The following ANKH variants were observed in gnomAD, a reference collection of about 807,000 sequenced individuals.
ANKH encodes mineralization regulator ANKH.
Under a neutral mutation model 49.0 loss-of-function variants are expected in ANKH, and 15 were observed. The ratio of observed to expected loss-of-function variants is 0.31; its 90% CI spans 0.20 to 0.47. ANKH has a LOEUF of 0.47. ANKH is among the 20% of genes least tolerant of loss of function. The pLI, the probability that ANKH is intolerant of heterozygous loss-of-function variation, is 1.00. For synonymous variants in ANKH, 273 were observed against 260.0 expected, an observed-to-expected ratio of 1.05 and a Z score of -0.48; for missense variants, 429 against 652.0, an observed-to-expected ratio of 0.66 and a Z score of 3.72.
At chr5:14,769,557 A>G (rs893744241) in intron 1 of ANKH, among the ~76,000 whole-genome samples, 4 of 152,150 alleles carry the variant, frequency 2.6e-5, no homozygotes, top group Admixed American at 2.6e-4. Context: ...ATGGCAAGAG[A>G]CATTCTGAAA....
intron 8 of ANKH, among the ~76,000 whole-genome samples, chr5:14,721,771 A>G (rs1737671364): frequency 6.6e-6 from 1 of 151,982 alleles, no homozygotes. Flanking sequence ...TCTACTAAAA[A>G]TACAAAAAAT....
intron 1 of ANKH, among the ~76,000 whole-genome samples, chr5:14,807,710 A>G (rs1178303852): frequency 6.6e-6 from 1 of 152,150 alleles, no homozygotes; most frequent in Non-Finnish European, 1.5e-5. Context: ...GAGATGTGTA[A>G]ATATCACAGG....
intron 1 of ANKH, among the ~76,000 whole-genome samples, chr5:14,830,414 C>T (rs1353174228): frequency 6.6e-6 from 1 of 151,982 alleles, no homozygotes; most frequent in Non-Finnish European, 1.5e-5. Context: ...GGGAAGAGTC[C>T]AAACCAAACA....
chr5:14,757,428 ATATTTT>A (rs776267618), intron 3 of ANKH, among the ~76,000 whole-genome samples: 100 of 128,092 alleles, frequency 7.8e-4, no homozygotes, highest in Non-Finnish European at 1.3e-3. Context: ...ATATATATAT[ATATTTT>A]TTTTTTTTTT....
At chr5:14,760,106 G>A (rs955201549) in intron 2 of ANKH, among the ~76,000 whole-genome samples, 6 of 152,170 alleles carry the variant, frequency 3.9e-5, no homozygotes, top group African/African-American at 1.2e-4. Context: ...GCAGGGTAGA[G>A]GTGAACAACC....
At chr5:14,828,158 G>A (rs1037540162) in intron 1 of ANKH, among the ~76,000 whole-genome samples, 4 of 152,134 alleles carry the variant, frequency 2.6e-5, no homozygotes, top group African/African-American at 9.7e-5. Flanking sequence ...TGTGTGACAG[G>A]TCAGCTTGGA....
rs539712412 is a variant in ANKH, at chr5:14,823,357, TAAC to T, written c.96+47992_96+47994del. ...TCTCTATCTCTCAGAATATCAGGAA[TAAC>T]AACAACAATTTTAAAATAAAAAGAA... On this transcript the variant is annotated intron_variant, in intron 1 of 11. Transcript: ENST00000284268. 1.8e-3 allele frequency among the ~76,000 whole-genome samples: 277 copies of T among 152,282 alleles called. 3 individuals carry two copies. Among genetic ancestry groups the T allele is most frequent in the South Asian group, 6.8e-3 (33 of 4,822 alleles).
intron 8 of ANKH, chr5:14,724,602 C>A: frequency 4.1e-6 from 4 of 985,244 alleles, no homozygotes; most frequent in Non-Finnish European, 4.8e-6. Context: ...GAGCTAAGAA[C>A]CACGGAAGGG....
intron 1 of ANKH, among the ~76,000 whole-genome samples, chr5:14,817,832 G>A (rs570205862): frequency 1.3e-5 from 2 of 152,076 alleles, no homozygotes; most frequent in East Asian, 3.9e-4. Context: ...AAAAGCTAAT[G>A]CAAAAAGGAA....
intron 9 of ANKH, among the ~76,000 whole-genome samples, chr5:14,715,979 TTAGCAATACGC>T (rs1470125485): frequency 6.6e-6 from 1 of 152,224 alleles, no homozygotes; most frequent in Non-Finnish European, 1.5e-5. Flanking sequence ...TCTCCAGGCT[TTAGCAATACGC>T]TCACTCTATT....
At chr5:14,830,176 T>C (rs1741460623) in intron 1 of ANKH, among the ~76,000 whole-genome samples, 1 of 152,236 alleles carries the variant, frequency 6.6e-6, no homozygotes, top group Non-Finnish European at 1.5e-5. Flanking sequence ...GTGAAGGTAG[T>C]AAGCAAAATT....
intron 9 of ANKH, among the ~76,000 whole-genome samples, chr5:14,714,799 A>G (rs1292807823): frequency 2.0e-5 from 3 of 152,196 alleles, no homozygotes; most frequent in Non-Finnish European, 4.4e-5. Context: ...CATCTTACAG[A>G]CAAGGAAGTG....
At chr5:14,826,106 AC>A (rs2126592342) in intron 1 of ANKH, 3 of 153,954 alleles carry the variant, frequency 1.9e-5, no homozygotes, top group Non-Finnish European at 4.4e-5. Context: ...TGCATGGTTA[AC>A]CTAATAACCA....
intron 1 of ANKH, chr5:14,797,270 T>C: frequency 7.0e-7 from 1 of 1,437,228 alleles, no homozygotes; most frequent in Non-Finnish European, 9.8e-7. Flanking sequence ...AGAAATCAGG[T>C]ATCTTGGCAG....
chr5:14,862,513 A>G (rs75562198), intron 1 of ANKH, among the ~76,000 whole-genome samples: 1 of 152,134 alleles, frequency 6.6e-6, no homozygotes, highest in African/African-American at 2.4e-5. Flanking sequence ...TTGCAATTCC[A>G]TCTTCATCTT....
chr5:14,858,044 C>T (rs75768926), intron 1 of ANKH, among the ~76,000 whole-genome samples: 1 of 152,222 alleles, frequency 6.6e-6, no homozygotes, highest in Non-Finnish European at 1.5e-5. Flanking sequence ...ATAGTTTGAA[C>T]ATTAACTACA....
chr5:14,753,130 A>G (rs1025926604), intron 4 of ANKH, among the ~76,000 whole-genome samples: 1 of 151,888 alleles, frequency 6.6e-6, no homozygotes, highest in Non-Finnish European at 1.5e-5. Flanking sequence ...TGAGAAGAGA[A>G]TTGGGAGGAT....
intron 1 of ANKH, among the ~76,000 whole-genome samples, chr5:14,793,489 C>T (rs549852687): frequency 2.0e-5 from 3 of 152,034 alleles, no homozygotes; most frequent in South Asian, 2.1e-4. Context: ...GTGAGACCAC[C>T]GGACACCTGG....
chr5:14,758,811 C>A (rs1738984426), intron 2 of ANKH, among the ~76,000 whole-genome samples: 1 of 152,186 alleles, frequency 6.6e-6, no homozygotes, highest in Admixed American at 6.5e-5. Flanking sequence ...TCACCAAGTT[C>A]TTTTATTGTT....
Sources: allele counts gnomAD v4.1 joint callset (sites outside exome capture counted in the v4.1 genomes callset), GRCh38; gene constraint gnomAD v4.1.1; transcripts MANE v1.5; gene names NCBI Gene and HGNC (gene_info 2026-07-23, HGNC 2026-07-21).